The following CACNG2 variants were observed in gnomAD, a reference collection of about 807,000 sequenced individuals.
CACNG2 encodes the protein calcium voltage-gated channel auxiliary subunit gamma 2.
CACNG2 carries 3 observed loss-of-function variants against 25.9 expected under a neutral mutation model. That is an observed-to-expected ratio of 0.12 (90% CI 0.05 to 0.30). The LOEUF is 0.30. Among genes scored for constraint, CACNG2 ranks in the 10% least tolerant of loss-of-function variants. CACNG2 has a pLI of 1.00. For missense variants in CACNG2, 341 were observed against 432.5 expected (o/e 0.79, Z 1.88); for synonymous variants, 167 against 173.3 (o/e 0.96, Z 0.29).
chr22:36,583,112 T>C (rs981248444), intron 2 of CACNG2, among the ~76,000 whole-genome samples: 2 of 152,028 alleles, frequency 1.3e-5, no homozygotes, highest in African/African-American at 4.8e-5. Context: ...TTGTGCCCCA[T>C]CCAGCTCACA....
chr22:36,649,552 C>T (rs1396929960), intron 1 of CACNG2, among the ~76,000 whole-genome samples: 2 of 152,218 alleles, frequency 1.3e-5, no homozygotes, highest in Non-Finnish European at 2.9e-5. Flanking sequence ...TCAGCCAGTG[C>T]TGGGATTAGA....
rs1397010598 is a variant in CACNG2 at position 36,703,634 on chromosome 22, C to CGGGGCAGCAAGGCCAGCGCAGAGCG, written c.-1083_-1059dup. 3 of 152,280 alleles carry CGGGGCAGCAAGGCCAGCGCAGAGCG rather than the reference C, an allele frequency of 2.0e-5. No homozygotes were observed. Among genetic ancestry groups the CGGGGCAGCAAGGCCAGCGCAGAGCG allele is most frequent in the Non-Finnish European group, 4.4e-5 (3 of 68,152 alleles). 9.4% of individuals were successfully genotyped at this position (152,280 alleles called of 1,614,324 possible). A position where few individuals can be genotyped will look rare whatever the true frequency, so the allele number is the denominator to read the frequency against. ...GGCGCTGGCCAGAGTCCTCCCTCCC[C>CGGGGCAGCAAGGCCAGCGCAGAGCG]GGGGCAGCAAGGCCAGCGCAGAGCG... On this transcript the variant is annotated 5_prime_UTR_variant, in exon 1 of 4. Transcript: ENST00000300105.
At chr22:36,674,137 T>G (rs545770406) in intron 1 of CACNG2, among the ~76,000 whole-genome samples, 1 of 152,296 alleles carries the variant, frequency 6.6e-6, no homozygotes, top group African/African-American at 2.4e-5. Flanking sequence ...GGCTGCAGGA[T>G]GATGCTGGTC....
At position 36,562,365 on chromosome 22, in the gene CACNG2, T is replaced by C. The variant is rs1436941979; in HGVS notation, c.*1986A>G. On this transcript the variant is annotated 3_prime_UTR_variant, in exon 4 of 4. Transcript: ENST00000300105. ...TAGTGCTTCTCTGGGTCAATCCACA[T>C]GCTTACATGGGGGGAAAATTAAGGC... The C allele has an allele frequency of 6.6e-6, 1 of 152,048 alleles. No homozygotes were observed. Among genetic ancestry groups the C allele is most frequent in the Admixed American group, 6.6e-5 (1 of 15,266 alleles). 9.4% of individuals were successfully genotyped at this position (152,048 alleles called of 1,614,324 possible). A position where few individuals can be genotyped will look rare whatever the true frequency, so the allele number is the denominator to read the frequency against.
At chr22:36,645,312 C>A (rs557531717) in intron 1 of CACNG2, among the ~76,000 whole-genome samples, 3 of 151,994 alleles carry the variant, frequency 2.0e-5, no homozygotes, top group Admixed American at 1.3e-4. Context: ...CTGAGACGGG[C>A]GGATCACGAG....
At position 36,562,837 on chromosome 22, in the gene CACNG2, C is replaced by T. The variant is rs1445029829; in HGVS notation, c.*1514G>A. ...AAGCCACCTTTCCATCACAGAGACC[C>T]CCTGCAGCTCACTGGGACCTTCCGC... is the stretch of plus-strand genomic sequence containing the variant. On this transcript the variant is annotated 3_prime_UTR_variant, in exon 4 of 4. Coordinates refer to ENST00000300105, the MANE Select transcript of CACNG2 (RefSeq NM_006078.5). The T allele has an allele frequency of 6.6e-6, 1 of 152,204 alleles. No homozygotes were observed. Among genetic ancestry groups the T allele is most frequent in the Non-Finnish European group, 1.5e-5 (1 of 68,030 alleles). 9.4% of individuals were successfully genotyped at this position (152,204 alleles called of 1,614,324 possible).
chr22:36,625,921 CT>C (rs1007214228), intron 1 of CACNG2, among the ~76,000 whole-genome samples: 1 of 151,820 alleles, frequency 6.6e-6, no homozygotes, highest in African/African-American at 2.4e-5. Context: ...GCATTGACAC[CT>C]TTTTTTTGTT....
intron 1 of CACNG2, among the ~76,000 whole-genome samples, chr22:36,616,581 T>C (rs6000352): frequency 0.043 from 6,576 of 152,118 alleles, 234 homozygotes; most frequent in Middle Eastern, 0.099. Flanking sequence ...TCCTTTTTCA[T>C]TGAGATCTGT....
At chr22:36,593,411 T>C (rs1935627285) in intron 1 of CACNG2, among the ~76,000 whole-genome samples, 1 of 152,000 alleles carries the variant, frequency 6.6e-6, no homozygotes, top group Non-Finnish European at 1.5e-5. Flanking sequence ...CTGGGATGTG[T>C]TTCACAGAGG....
Position 36,576,448 on chromosome 22 carries a change from T to G in CACNG2, c.296-9955A>C, listed in dbSNP as rs375447499. Among the ~76,000 whole-genome samples, 6 of 151,824 alleles carry G rather than the reference T, an allele frequency of 4.0e-5. No individual in the cohort carries two copies. The East Asian group carries it at 7.8e-4, about 20-fold the overall frequency. ...CATTGTGTCCTGCTTGGATGATGGG[T>G]GCACCACAATCTCACAAATCACCAC... On this transcript the variant is annotated intron_variant, in intron 2 of 3. Coordinates refer to ENST00000300105, the MANE Select transcript of CACNG2 (RefSeq NM_006078.5).
At chr22:36,685,818 T>C (rs1023876864) in intron 1 of CACNG2, among the ~76,000 whole-genome samples, 9 of 152,226 alleles carry the variant, frequency 5.9e-5, no homozygotes, top group Admixed American at 5.2e-4. Context: ...CATCTTTCCA[T>C]CCTTTCTCCT....
At chr22:36,681,131 A>G (rs770251933) in intron 1 of CACNG2, among the ~76,000 whole-genome samples, 2 of 152,094 alleles carry the variant, frequency 1.3e-5, no homozygotes, top group Non-Finnish European at 2.9e-5. Flanking sequence ...CTGCCTATTA[A>G]TCGATGGATC....
chr22:36,578,036 TA>T (rs1935354358), intron 2 of CACNG2, among the ~76,000 whole-genome samples: 1 of 150,352 alleles, frequency 6.7e-6, no homozygotes. Flanking sequence ...CCCTCATCTG[TA>T]AAATGGGAGG....
At chr22:36,679,247 T>TTTCTTTCTTTCTTTC (rs1937064299) in intron 1 of CACNG2, among the ~76,000 whole-genome samples, 2 of 147,164 alleles carry the variant, frequency 1.4e-5, no homozygotes, top group African/African-American at 5.3e-5. Flanking sequence ...TCTTTCTTTC[T>TTTCTTTCTTTCTTTC]TTTCTTTAAA....
At chr22:36,702,285 T>G in intron 1 of CACNG2, 81 bp downstream of exon 1, 1 of 834,470 alleles carries the variant, frequency 1.2e-6, no homozygotes, top group Non-Finnish European at 1.9e-6. Context: ...TAAAGGGGAC[T>G]TATTTGGAGG....
intron 1 of CACNG2, among the ~76,000 whole-genome samples, chr22:36,672,137 T>C (rs887794297): frequency 2.0e-5 from 3 of 151,782 alleles, no homozygotes; most frequent in Non-Finnish European, 4.4e-5. Context: ...GAAGGGGCCC[T>C]GGTGGGGCTA....
At chr22:36,588,546 T>C (rs897170657) in intron 1 of CACNG2, among the ~76,000 whole-genome samples, 1 of 152,240 alleles carries the variant, frequency 6.6e-6, no homozygotes, top group African/African-American at 2.4e-5. Flanking sequence ...ACAGTGAATG[T>C]CCTTTAACCT....
intron 2 of CACNG2, among the ~76,000 whole-genome samples, chr22:36,577,712 G>A (rs1158094454): frequency 1.3e-5 from 2 of 151,784 alleles, no homozygotes; most frequent in East Asian, 1.9e-4. Context: ...GCCAGTGTGC[G>A]TTCAGGAAGG....
intron 2 of CACNG2, among the ~76,000 whole-genome samples, chr22:36,572,347 T>A (rs1014589681): frequency 6.6e-6 from 1 of 152,156 alleles, no homozygotes; most frequent in Non-Finnish European, 1.5e-5. Flanking sequence ...GGCCATATGG[T>A]CTCAGTTGCA....
Sources: allele counts gnomAD v4.1 joint callset (sites outside exome capture counted in the v4.1 genomes callset), GRCh38; gene constraint gnomAD v4.1.1; transcripts MANE v1.5; gene names NCBI Gene and HGNC (gene_info 2026-07-23, HGNC 2026-07-21).